The following PCDH15 variants were observed in gnomAD, a reference collection of about 807,000 sequenced individuals.
PCDH15 encodes protocadherin related 15.
Under a neutral mutation model 178.5 loss-of-function variants are expected in PCDH15, and 129 were observed. The ratio of observed to expected loss-of-function variants is 0.72; its 90% CI spans 0.63 to 0.84. The LOEUF (loss-of-function observed/expected upper bound fraction) is 0.84, where lower values mean the gene tolerates loss of function less well. Ranked by LOEUF, PCDH15 falls within the 40% of genes least tolerant of loss-of-function variation. The pLI, the probability that PCDH15 is intolerant of heterozygous loss-of-function variation, is 0.00. For synonymous variants in PCDH15, 800 were observed against 732.0 expected, an observed-to-expected ratio of 1.09 and a Z score of -1.50; for missense variants, 2,230 against 2,099.9, an observed-to-expected ratio of 1.06 and a Z score of -1.21.
At position 54,726,135 on chromosome 10, in the gene PCDH15, C is replaced by T. The variant is rs549135739; in HGVS notation, c.-28-61845G>A. On this transcript the variant is annotated intron_variant, in intron 1 of 37. Coordinates refer to ENST00000644397, the MANE Select transcript of PCDH15 (RefSeq NM_001384140.1). ...CCCTTTTTGTGGAATTGTGAGTGAG[C>T]AGCAATACTACATGCCTTTTATAAC... is the stretch of plus-strand genomic sequence containing the variant. 6.6e-5 allele frequency among the ~76,000 whole-genome samples: 10 copies of T among 151,066 alleles called. No homozygotes were observed. In the South Asian group the frequency reaches 1.7e-3, roughly 25 times the overall value.
intron 1 of PCDH15, among the ~76,000 whole-genome samples, chr10:54,677,718 G>T (rs1166567945): frequency 6.6e-6 from 1 of 152,062 alleles, no homozygotes; most frequent in Admixed American, 6.6e-5. Flanking sequence ...TGAGTGTCTG[G>T]ATTTTCATAT....
At chr10:55,297,004 C>A (rs1285582621) in intron 1 of PCDH15, among the ~76,000 whole-genome samples, 1 of 151,992 alleles carries the variant, frequency 6.6e-6, no homozygotes, top group Non-Finnish European at 1.5e-5. Flanking sequence ...CTGAAGTAAT[C>A]TTATTTTTTC....
At chr10:53,948,376 C>T (rs1000587924) in intron 23 of PCDH15, among the ~76,000 whole-genome samples, 1 of 152,114 alleles carries the variant, frequency 6.6e-6, no homozygotes, top group Middle Eastern at 3.4e-3. Context: ...TTGAATTATA[C>T]ATTATTTGAC....
At chr10:54,857,099 A>G (rs925139330) in intron 3 of PCDH15, among the ~76,000 whole-genome samples, 1 of 152,178 alleles carries the variant, frequency 6.6e-6, no homozygotes, top group Non-Finnish European at 1.5e-5. Context: ...AGTGCTTGTT[A>G]CATACCCATT....
chr10:54,736,441 G>T (rs1270258663), intron 1 of PCDH15, among the ~76,000 whole-genome samples: 1 of 151,882 alleles, frequency 6.6e-6, no homozygotes, highest in East Asian at 1.9e-4. Context: ...TTATAAATGT[G>T]CCCCATGCTG....
intron 1 of PCDH15, among the ~76,000 whole-genome samples, chr10:54,720,970 A>C (rs370459024): frequency 1.0e-3 from 156 of 152,134 alleles, no homozygotes; most frequent in African/African-American, 3.6e-3. Flanking sequence ...CATTCTCCTA[A>C]ACCGACCATA....
At chr10:55,157,959 A>AC (rs1838939073) in intron 2 of PCDH15, among the ~76,000 whole-genome samples, 1 of 132,804 alleles carries the variant, frequency 7.5e-6, no homozygotes, top group African/African-American at 3.1e-5. Flanking sequence ...GATAATTTAA[A>AC]AAATAAATAA....
chr10:54,871,731 T>G (rs1192586680), intron 3 of PCDH15, among the ~76,000 whole-genome samples: 2 of 152,076 alleles, frequency 1.3e-5, no homozygotes, highest in Admixed American at 1.3e-4. Flanking sequence ...ATAAATTATT[T>G]TTGTTCATAA....
At chr10:55,132,420 T>C (rs1393221975) in intron 2 of PCDH15, among the ~76,000 whole-genome samples, 1 of 152,194 alleles carries the variant, frequency 6.6e-6, no homozygotes, top group African/African-American at 2.4e-5. Flanking sequence ...CATTGCCTAA[T>C]GTAAGAGAGT....
intron 3 of PCDH15, among the ~76,000 whole-genome samples, chr10:54,401,063 A>AAAGATTT (rs1951874577): frequency 6.6e-6 from 1 of 152,102 alleles, no homozygotes; most frequent in East Asian, 1.9e-4. Flanking sequence ...AAGAAATTAA[A>AAAGATTT]AAGATTTTAG....
At chr10:54,140,494 G>A (rs1371382422) in intron 14 of PCDH15, among the ~76,000 whole-genome samples, 3 of 151,642 alleles carry the variant, frequency 2.0e-5, no homozygotes, top group African/African-American at 7.3e-5. Context: ...TCTTGAGACA[G>A]GGTCTTGCTC....
chr10:55,533,353 A>T (rs1404340418), intron 2 of PCDH15, among the ~76,000 whole-genome samples: 1 of 152,100 alleles, frequency 6.6e-6, no homozygotes, highest in Non-Finnish European at 1.5e-5. Context: ...CCAAGGTCTT[A>T]CTAGAACTAA....
chr10:55,003,382 G>C (rs2131932779), intron 2 of PCDH15, among the ~76,000 whole-genome samples: 1 of 150,916 alleles, frequency 6.6e-6, no homozygotes, highest in Admixed American at 6.6e-5. Context: ...ACATGAGGTA[G>C]ATCAGGAGTT....
At chr10:54,530,843 A>G (rs926821419) in intron 2 of PCDH15, among the ~76,000 whole-genome samples, 3 of 152,218 alleles carry the variant, frequency 2.0e-5, no homozygotes, top group South Asian at 4.1e-4. Context: ...GGTTAAGCAG[A>G]CACATAATAA....
intron 1 of PCDH15, among the ~76,000 whole-genome samples, chr10:55,299,571 C>A (rs910574482): frequency 6.6e-6 from 1 of 152,114 alleles, no homozygotes; most frequent in African/African-American, 2.4e-5. Context: ...CAAGCTTTGG[C>A]AAAATCTTTA....
Position 54,421,832 on chromosome 10 carries a change from ATATATACACACACAC to A in PCDH15, c.158-42905_158-42891del, listed in dbSNP as rs1215784382. 5.6e-4 allele frequency among the ~76,000 whole-genome samples: 45 copies of A among 80,258 alleles called. 2 individuals are homozygous for A. The highest frequency in any genetic ancestry group is 1.5e-3 in the African/African-American group (28 of 18,592). The allele number at this position is 80,258 out of a possible 152,430, so 52.7% of individuals were successfully genotyped here. Reference sequence around the variant, plus strand: ...GTAGTGTGTGTATATATATATATATATATATACACACACACTATATATATATATATACACACACTA... The same window carrying A: ...GTAGTGTGTGTATATATATATATATATATATATATATATATACACACACTA... On this transcript the variant is annotated intron_variant, in intron 3 of 37. Coordinates refer to ENST00000644397, the MANE Select transcript of PCDH15 (RefSeq NM_001384140.1).
rs13328789 is a variant in PCDH15 at position 55,569,584 on chromosome 10, A to T, written c.-156+58041T>A. Among the ~76,000 whole-genome samples the T allele has an allele frequency of 4.9e-3, 751 of 152,144 alleles. 9 individuals are homozygous for T. The highest frequency in any genetic ancestry group is 0.017 in the African/African-American group (719 of 41,552). On this transcript the variant is annotated intron_variant, in intron 2 of 5. Coordinates refer to the PCDH15 transcript ENST00000613346. ...ATTTTTCAAAGAATTTTCTAAAAAA[A>T]AAAACCAGAAACAATAATTTCAAAT...
At chr10:53,865,639 C>G (rs996171071) in intron 27 of PCDH15, among the ~76,000 whole-genome samples, 1 of 152,090 alleles carries the variant, frequency 6.6e-6, no homozygotes, top group African/African-American at 2.4e-5. Flanking sequence ...CTTAGAGTGG[C>G]CTTCATTTAC....
intron 16 of PCDH15, among the ~76,000 whole-genome samples, chr10:54,086,588 G>C (rs1380013522): frequency 6.6e-6 from 1 of 152,122 alleles, no homozygotes; most frequent in Non-Finnish European, 1.5e-5. Flanking sequence ...CATTTCAAAT[G>C]CATTGAAATG....
Sources: gnomAD v4.1 joint callset for allele counts (sites outside exome capture counted in the v4.1 genomes callset) on GRCh38, gnomAD v4.1.1 for gene constraint, MANE v1.5 for transcripts, NCBI Gene and HGNC (gene_info 2026-07-23, HGNC 2026-07-21) for gene names.